The following TRIM46 variants were observed in gnomAD, a reference collection of about 807,000 sequenced individuals.
TRIM46 encodes tripartite motif containing 46.
TRIM46 carries 17 observed loss-of-function variants against 69.7 expected under a neutral mutation model. The ratio of observed to expected loss-of-function variants is 0.24; its 90% confidence interval spans 0.17 to 0.37. The LOEUF (loss-of-function observed/expected upper bound fraction) is 0.37. TRIM46 is among the 10% of genes least tolerant of loss of function. The pLI, the probability that TRIM46 is intolerant of heterozygous loss-of-function variation, is 1.00. For missense variants in TRIM46, 675 were observed against 1,025.1 expected (o/e 0.66, Z 4.66); for synonymous variants, 391 against 429.0 (o/e 0.91, Z 1.09).
intron 7 of TRIM46, chr1:155,178,875 C>T: frequency 1.4e-6 from 2 of 1,412,862 alleles, no homozygotes; most frequent in Non-Finnish European, 1.9e-6. Flanking sequence ...CCCGGGGGCC[C>T]TGCCCGCCGC....
chr1:155,177,886 C>T lies in TRIM46; in HGVS notation c.910-116C>T. ...CTGTAGGAATGGGTGAGTAGGATTTCCCCAGATCCCTTGTGACCTTAGCCA... is the reference window on the plus strand; with the variant it reads ...CTGTAGGAATGGGTGAGTAGGATTTTCCCAGATCCCTTGTGACCTTAGCCA... On this transcript the variant is annotated intron_variant, in intron 5 of 9. Coordinates refer to ENST00000334634, the MANE Select transcript of TRIM46 (RefSeq NM_025058.5). 2.8e-6 allele frequency: 4 copies of T among 1,434,384 alleles called. No homozygotes were observed. In the South Asian group the frequency reaches 5.6e-5, roughly 20 times the overall value. The allele number at this position is 1,434,384 out of a possible 1,614,324, so 88.9% of individuals were successfully genotyped here. A position where few individuals can be genotyped will look rare whatever the true frequency, so the allele number is the denominator to read the frequency against.
chr1:155,181,169 G>A lies in TRIM46; in HGVS notation c.1589-683G>A, dbSNP rs1302141642. ...GCAGGAGAATGGCTTGAACCTGGGA[G>A]GCAGGGGTTGCAGTGAGCCAAGATT... On this transcript the variant is annotated intron_variant, in intron 8 of 9. Transcript: ENST00000334634. The surrounding 1 kb of genome is among the most constrained non-coding windows in gnomAD (Gnocchi z 4.3). Among the ~76,000 whole-genome samples the A allele has an allele frequency of 2.6e-5, 4 of 152,198 alleles. No individual in the cohort carries two copies. The highest frequency in any genetic ancestry group is 6.5e-5 in the Admixed American group (1 of 15,278).
chr1:155,178,823 G>A (rs578159090), intron 7 of TRIM46: 31 of 1,465,644 alleles, frequency 2.1e-5, no homozygotes, highest in South Asian at 2.4e-5. Context: ...TGGCCACCGC[G>A]GACTCTGCTC....
intron 1 of TRIM46, chr1:155,174,841 A>C: frequency 7.0e-7 from 1 of 1,419,438 alleles, no homozygotes. Context: ...TGGGTTGGTA[A>C]GACCGATGGG....
intron 5 of TRIM46, 132 bp downstream of exon 5, chr1:155,177,422 AC>A: frequency 1.3e-6 from 1 of 786,432 alleles, no homozygotes; most frequent in Non-Finnish European, 2.1e-6. Context: ...TTCTGGTTAA[AC>A]CAGGTTTGCA....
chr1:155,176,342 T>G, intron 3 of TRIM46, 111 bp downstream of exon 3: 1 of 972,278 alleles, frequency 1.0e-6, no homozygotes, highest in African/African-American at 1.6e-5. Context: ...TTTCCAATGC[T>G]AAGCACCTAT....
At chr1:155,182,461 G>C (rs1666237466) in intron 9 of TRIM46, 10 of 525,232 alleles carry the variant, frequency 1.9e-5, no homozygotes, top group Non-Finnish European at 2.4e-5. Flanking sequence ...CCAAGCATCT[G>C]TGTCCTTTCT....
In TRIM46 at chr1:155,175,530, G is replaced by C. The variant is rs763126809; in HGVS notation, c.208G>C (p.Gly70Arg). The C allele has an allele frequency of 6.2e-7, 1 of 1,614,046 alleles. No individual in the cohort carries two copies. The highest frequency in any genetic ancestry group is 8.5e-7 in the Non-Finnish European group (1 of 1,179,940). ...VLGQQGYIGH[G>R]GDPSSEPTSP... ...GGGCCAGCAGGGCTACATAGGACATGGTGGGGACCCCAGCTCCGAGCCCAC... is the reference window on the plus strand; with the variant it reads ...GGGCCAGCAGGGCTACATAGGACATCGTGGGGACCCCAGCTCCGAGCCCAC... The change falls in exon 2 of 10, where the codon GGT becomes CGT. Residue 70 changes from glycine (G) to arginine (R), a missense_variant. Coordinates refer to ENST00000334634, the MANE Select transcript of TRIM46 (RefSeq NM_025058.5). This position sits in a 1 kb window ranked among gnomAD's most constrained non-coding sequence, Gnocchi z 4.2.
chr1:155,174,637 C>G (rs768996935), intron 1 of TRIM46: 22 of 1,524,622 alleles, frequency 1.4e-5, no homozygotes, highest in Non-Finnish European at 1.8e-6. Context: ...AAGAGAGGGA[C>G]CAAGGTGAGG....
chr1:155,173,895 C>A lies in TRIM46; in HGVS notation c.-72C>A. ...GCCCTCCTCACACCCCCACTGGGCT[C>A]CTGCATTAAGCCCGGGGTTCGCAGC... On this transcript the variant is annotated 5_prime_UTR_variant, in exon 1 of 10. Coordinates refer to ENST00000334634, the MANE Select transcript of TRIM46 (RefSeq NM_025058.5). The A allele has an allele frequency of 7.4e-6, 11 of 1,482,102 alleles. No homozygotes were observed. The highest frequency in any genetic ancestry group is 1.0e-5 in the Non-Finnish European group (11 of 1,088,490). The allele number at this position is 1,482,102 out of a possible 1,614,324, so 91.8% of individuals were successfully genotyped here.
At chr1:155,174,766 G>T (rs1328005085) in intron 1 of TRIM46, 5 of 1,464,254 alleles carry the variant, frequency 3.4e-6, no homozygotes, top group Non-Finnish European at 2.7e-6. Flanking sequence ...TTCGGAGAAG[G>T]GGGTGCCGCT....
intron 7 of TRIM46, chr1:155,178,909 C>T: frequency 8.2e-7 from 1 of 1,222,194 alleles, no homozygotes; most frequent in Non-Finnish European, 1.1e-6. Flanking sequence ...CACCCCGCTG[C>T]TCCCACGCAT....
Position 155,177,224 on chromosome 1 carries a change from C to A in TRIM46, c.843C>A (p.Ile281=). 6.2e-7 allele frequency: 1 copy of A among 1,614,200 alleles called. No homozygotes were observed. Among genetic ancestry groups the A allele is most frequent in the Non-Finnish European group, 8.5e-7 (1 of 1,180,038 alleles). The stretch of plus-strand genomic sequence containing the variant: ...AGCTGACAAAGAGCCTGACATACAT[C>A]CTGGGAAACCAGGACACGGTACAGA... ...KDKLTKSLTY[I]LGNQDTVQTQ... The change falls in exon 5 of 10, where the codon ATC becomes ATA. Residue 281 remains isoleucine, a synonymous_variant. Coordinates refer to ENST00000334634, the MANE Select transcript of TRIM46 (RefSeq NM_025058.5).
At position 155,173,962 on chromosome 1, in the gene TRIM46, G is replaced by A. The variant is rs1158650241; in HGVS notation, c.-5G>A. The A allele has an allele frequency of 1.0e-5, 16 of 1,573,378 alleles. No individual in the cohort carries two copies. In the East Asian group the frequency reaches 3.3e-4, roughly 33 times the overall value. On this transcript the variant is annotated 5_prime_UTR_variant, in exon 1 of 10. Coordinates refer to ENST00000334634, the MANE Select transcript of TRIM46 (RefSeq NM_025058.5). ...CACCCAGGGGCGGGCGGGCACGGTA[G>A]GGCCATGGCAGAGGGTGAGGATATG...
rs1666160460 is a variant in TRIM46, at chr1:155,181,329, G to C, written c.1589-523G>C. ...GGTTTGAGACGATCAATGGGAGTCT[G>C]AGTACAGTGTCCGGCTCATGGTTAG... On this transcript the variant is annotated intron_variant, in intron 8 of 9. Transcript: ENST00000334634. The surrounding 1 kb of genome is among the most constrained non-coding windows in gnomAD (Gnocchi z 4.3). Among the ~76,000 whole-genome samples the C allele has an allele frequency of 6.6e-6, 1 of 152,230 alleles. No homozygotes were observed. Among genetic ancestry groups the C allele is most frequent in the Non-Finnish European group, 1.5e-5 (1 of 68,048 alleles).
At position 155,181,445 on chromosome 1, in the gene TRIM46, G is replaced by A. The variant is rs1269229866; in HGVS notation, c.1589-407G>A. ...AAGCCTTGCCACCCAAATAGGGGCT[G>A]GGTATAAGGGCCAGGTGTGAACCCA... On this transcript the variant is annotated intron_variant, in intron 8 of 9. Coordinates refer to ENST00000334634, the MANE Select transcript of TRIM46 (RefSeq NM_025058.5). This position sits in a 1 kb window ranked among gnomAD's most constrained non-coding sequence, Gnocchi z 4.3. Among the ~76,000 whole-genome samples, 1 of 152,146 alleles carries A rather than the reference G, an allele frequency of 6.6e-6. No homozygotes were observed. The highest frequency in any genetic ancestry group is 1.9e-4 in the East Asian group (1 of 5,202).
chr1:155,175,252 G>A lies in TRIM46; in HGVS notation c.64-134G>A. 1 of 1,533,110 alleles carries A rather than the reference G, an allele frequency of 6.5e-7. No individual in the cohort carries two copies. The highest frequency in any genetic ancestry group is 2.2e-5 in the Admixed American group (1 of 45,100). 95.0% of individuals were successfully genotyped at this position (1,533,110 alleles called of 1,614,324 possible). A position where few individuals can be genotyped will look rare whatever the true frequency, so the allele number is the denominator to read the frequency against. ...AAGGTCTGTGAACCAGCCCAAGGCA[G>A]GTGCTCTGGAAAAGCTGCAGGTAGC... On this transcript the variant is annotated intron_variant, in intron 1 of 9. Transcript: ENST00000334634. The surrounding 1 kb of genome is among the most constrained non-coding windows in gnomAD (Gnocchi z 4.2).
chr1:155,174,291 T>C (rs1571724916), intron 1 of TRIM46, among the ~76,000 whole-genome samples: 1 of 151,734 alleles, frequency 6.6e-6, no homozygotes, highest in Non-Finnish European at 1.5e-5. Context: ...TGGGCTGGGG[T>C]GGCCTCCAGC....
chr1:155,174,573 C>G (rs890119706), intron 1 of TRIM46: 7 of 1,516,574 alleles, frequency 4.6e-6, no homozygotes, highest in African/African-American at 4.1e-5. Context: ...TCCTCCCCCC[C>G]TCCTTGTTCC....
Sources: gnomAD v4.1 joint callset for allele counts (sites outside exome capture counted in the v4.1 genomes callset) on GRCh38, gnomAD v4.1.1 for gene constraint, Gnocchi (gnomAD v3.1) non-coding constraint, MANE v1.5 for transcripts, NCBI Gene and HGNC (gene_info 2026-07-23, HGNC 2026-07-21) for gene names.